AGBL4: variants seen among roughly 807,000 people sequenced by gnomAD.
AGBL4 encodes cytosolic carboxypeptidase 6.
Under a neutral mutation model 66.4 loss-of-function variants are expected in AGBL4, and 58 were observed. That is an observed-to-expected ratio of 0.87 (90% CI 0.71 to 1.09). AGBL4 has a LOEUF of 1.09. Ranked by LOEUF, AGBL4 falls within the 50% of genes least tolerant of loss-of-function variation. The pLI is 0.00. For missense variants in AGBL4, 579 were observed against 631.0 expected (o/e 0.92, Z 0.88); for synonymous variants, 234 against 222.9 (o/e 1.05, Z -0.44).
At chr1:49,940,109 C>T (rs545715115) in intron 1 of AGBL4, among the ~76,000 whole-genome samples, 1 of 152,330 alleles carries the variant, frequency 6.6e-6, no homozygotes, top group Admixed American at 6.5e-5. Flanking sequence ...AAATGCTCAT[C>T]ATCACTGGCC....
rs559924041 is a variant in AGBL4, at chr1:48,939,700, T to A, written c.595-72470A>T. On this transcript the variant is annotated intron_variant, in intron 5 of 13. Coordinates refer to ENST00000371839, the MANE Select transcript of AGBL4 (RefSeq NM_032785.4). The stretch of plus-strand genomic sequence containing the variant: ...TTCTGTACCTTCTAGGTTTGTCCTT[T>A]CCCTCTCCATGTAGGCAAGTGGGGG... Among the ~76,000 whole-genome samples the A allele has an allele frequency of 3.9e-5, 6 of 152,292 alleles. No individual in the cohort carries two copies. In the East Asian group the frequency reaches 1.2e-3, roughly 29 times the overall value.
chr1:49,835,204 C>A (rs1461777877), intron 2 of AGBL4, among the ~76,000 whole-genome samples: 1 of 152,058 alleles, frequency 6.6e-6, no homozygotes, highest in African/African-American at 2.4e-5. Flanking sequence ...GTGTGGGAGG[C>A]TACATCTCTT....
intron 4 of AGBL4, among the ~76,000 whole-genome samples, chr1:49,244,092 A>G (rs1651447353): frequency 6.6e-6 from 1 of 151,888 alleles, no homozygotes; most frequent in Non-Finnish European, 1.5e-5. Flanking sequence ...AAGTGAAATA[A>G]TTAAGGCTTA....
At chr1:49,376,734 A>G (rs2148564382) in intron 3 of AGBL4, among the ~76,000 whole-genome samples, 1 of 152,118 alleles carries the variant, frequency 6.6e-6, no homozygotes, top group Middle Eastern at 3.4e-3. Context: ...TTTAGAGGGG[A>G]TCTTCCCAGA....
At chr1:48,563,471 G>C (rs988832330) in intron 11 of AGBL4, among the ~76,000 whole-genome samples, 2 of 152,114 alleles carry the variant, frequency 1.3e-5, no homozygotes, top group Non-Finnish European at 2.9e-5. Context: ...GAGGAAGAGA[G>C]GGAGAGAGGG....
chr1:48,588,637 A>G (rs1326839793), intron 10 of AGBL4, among the ~76,000 whole-genome samples: 2 of 148,454 alleles, frequency 1.3e-5, no homozygotes, highest in Admixed American at 1.4e-4. Context: ...GCACAGAAAG[A>G]CTGTGAAAGA....
At chr1:49,731,808 A>G (rs79178881) in intron 2 of AGBL4, among the ~76,000 whole-genome samples, 1,793 of 152,304 alleles carry the variant, frequency 0.012, 31 homozygotes, top group African/African-American at 0.041. Context: ...AGATAGGCAA[A>G]TTCTCCCCCA....
At chr1:48,972,342 TAGTC>T (rs1180409185) in intron 5 of AGBL4, among the ~76,000 whole-genome samples, 5 of 152,200 alleles carry the variant, frequency 3.3e-5, no homozygotes, top group African/African-American at 9.6e-5. Context: ...AGGTGTGAAA[TAGTC>T]AGGAGGATGA....
At chr1:49,450,508 C>A (rs1452182454) in intron 3 of AGBL4, among the ~76,000 whole-genome samples, 1 of 152,062 alleles carries the variant, frequency 6.6e-6, no homozygotes, top group African/African-American at 2.4e-5. Context: ...AATCAAAATT[C>A]TCTTAGGTAT....
chr1:49,619,255 A>G (rs191826687), intron 3 of AGBL4, among the ~76,000 whole-genome samples: 2 of 152,244 alleles, frequency 1.3e-5, no homozygotes, highest in African/African-American at 4.8e-5. Flanking sequence ...TAAGCTGATA[A>G]GCAACTTCAG....
At chr1:49,527,817 A>G (rs1455034836) in intron 3 of AGBL4, among the ~76,000 whole-genome samples, 1 of 151,964 alleles carries the variant, frequency 6.6e-6, no homozygotes, top group Non-Finnish European at 1.5e-5. Flanking sequence ...ACCTAGAAAT[A>G]CTTTCAGACT....
At position 49,465,279 on chromosome 1, in the gene AGBL4, G is replaced by A. The variant is rs373971922; in HGVS notation, c.283-219415C>T. On this transcript the variant is annotated intron_variant, in intron 3 of 13. Transcript: ENST00000371839. ...CACACACACGCAGACATGTCAGCTG[G>A]TTCTGGGTGCCAAGAATTATGGACC... Among the ~76,000 whole-genome samples, 278 of 146,506 alleles carry A rather than the reference G, an allele frequency of 1.9e-3. 2 individuals are homozygous for A. Among genetic ancestry groups the A allele is most frequent in the South Asian group, 9.7e-3 (45 of 4,620 alleles).
At chr1:48,679,176 A>G (rs1022451788) in intron 6 of AGBL4, among the ~76,000 whole-genome samples, 1 of 152,198 alleles carries the variant, frequency 6.6e-6, no homozygotes, top group South Asian at 2.1e-4. Context: ...ATTTTAGGGT[A>G]ACATTTGTAC....
At chr1:49,754,300 T>C (rs1189622897) in intron 2 of AGBL4, among the ~76,000 whole-genome samples, 1 of 151,794 alleles carries the variant, frequency 6.6e-6, no homozygotes, top group East Asian at 1.9e-4. Flanking sequence ...TTTAATGTTT[T>C]TTTTTTATTA....
intron 4 of AGBL4, among the ~76,000 whole-genome samples, chr1:49,158,282 G>T (rs1238925130): frequency 6.6e-6 from 1 of 152,080 alleles, no homozygotes; most frequent in Non-Finnish European, 1.5e-5. Context: ...AAGACTTCAT[G>T]ACAAAAACAC....
intron 5 of AGBL4, among the ~76,000 whole-genome samples, chr1:48,881,094 C>A (rs1227716278): frequency 1.3e-5 from 2 of 151,974 alleles, no homozygotes; most frequent in Admixed American, 6.6e-5. Flanking sequence ...AAGATGAATA[C>A]CCATGAGTGA....
chr1:49,589,417 G>T (rs1186235106), intron 3 of AGBL4, among the ~76,000 whole-genome samples: 2 of 151,922 alleles, frequency 1.3e-5, no homozygotes, highest in African/African-American at 4.8e-5. Context: ...TACCATAGCT[G>T]TCTCAATAGA....
chr1:48,738,825 C>T (rs1649469764), intron 6 of AGBL4, among the ~76,000 whole-genome samples: 1 of 152,048 alleles, frequency 6.6e-6, no homozygotes, highest in South Asian at 2.1e-4. Context: ...ACCTGGTTCA[C>T]GTACAATGAA....
At chr1:49,045,235 A>G (rs1311737295) in intron 5 of AGBL4, among the ~76,000 whole-genome samples, 2 of 152,128 alleles carry the variant, frequency 1.3e-5, no homozygotes, top group African/African-American at 4.8e-5. Context: ...CTTTTGTAAC[A>G]CCTAGCAAAA....
Sources: allele counts gnomAD v4.1 joint callset (sites outside exome capture counted in the v4.1 genomes callset), GRCh38; gene constraint gnomAD v4.1.1; transcripts MANE v1.5; gene names NCBI Gene and HGNC (gene_info 2026-07-23, HGNC 2026-07-21).